The following NAV3 variants were observed in gnomAD, a reference collection of about 807,000 sequenced individuals.
The protein encoded by NAV3 is pore membrane and/or filament interacting like protein 1.
Under a neutral mutation model 244.7 loss-of-function variants are expected in NAV3, and 87 were observed. That is an observed-to-expected ratio of 0.36 (90% CI 0.30 to 0.42). The LOEUF is 0.42. Ranked by LOEUF, NAV3 falls within the 20% of genes least tolerant of loss-of-function variation. The pLI is 1.00. For synonymous variants in NAV3, 1,126 were observed against 1,042.2 expected, an observed-to-expected ratio of 1.08 and a Z score of -1.55; for missense variants, 2,663 against 2,893.3, an observed-to-expected ratio of 0.92 and a Z score of 1.83.
At chr12:78,007,482 ATT>A in intron 8 of NAV3, 37 bp downstream of exon 8, 1 of 1,584,498 alleles carries the variant, frequency 6.3e-7, no homozygotes, top group Non-Finnish European at 8.6e-7. Context: ...TTGTAAATAT[ATT>A]TACAGGCCTA....
chr12:77,826,440 C>G (rs572005080), upstream of NAV3, among the ~76,000 whole-genome samples: 2 of 151,616 alleles, frequency 1.3e-5, no homozygotes, highest in Admixed American at 1.3e-4. Context: ...TGTAGTGAGC[C>G]GAGATCACAC....
intron 11 of NAV3, chr12:78,056,132 C>A (rs1386030432): frequency 6.6e-6 from 1 of 152,138 alleles, no homozygotes; most frequent in Non-Finnish European, 1.5e-5. Flanking sequence ...TTTGTTCTTT[C>A]CTATGTTAGA....
chr12:77,660,060 GTAAC>G (rs1333777469), intron 2 of NAV3, among the ~76,000 whole-genome samples: 1 of 151,868 alleles, frequency 6.6e-6, no homozygotes, highest in Non-Finnish European at 1.5e-5. Flanking sequence ...GTATACATAT[GTAAC>G]TAACCTGCAC....
At position 77,639,376 on chromosome 12, in the gene NAV3, C is replaced by G. The variant is rs996865982; in HGVS notation, c.72+67110C>G. ...CTATAGTGGAACAATGAAGCAGAAA[C>G]TTCATTAATTTATTGAGCACATTTT... On this transcript the variant is annotated intron_variant, in intron 2 of 8. Transcript: ENST00000550042. Among the ~76,000 whole-genome samples, 14 of 152,204 alleles carry G rather than the reference C, an allele frequency of 9.2e-5. No individual in the cohort carries two copies. The East Asian group carries it at 1.9e-3, about 21-fold the overall frequency.
intron 2 of NAV3, among the ~76,000 whole-genome samples, chr12:77,792,694 A>T (rs1322908630): frequency 1.3e-5 from 2 of 152,170 alleles, no homozygotes; most frequent in African/African-American, 2.4e-5. Context: ...AGACACATTC[A>T]TTTCAGCCTT....
intron 2 of NAV3, among the ~76,000 whole-genome samples, chr12:77,624,284 G>C (rs1026016416): frequency 1.3e-5 from 2 of 152,134 alleles, no homozygotes; most frequent in African/African-American, 4.8e-5. Context: ...AAGCATAATC[G>C]TTCATGTGAG....
chr12:78,172,794 C>T (rs1226248327), intron 24 of NAV3, among the ~76,000 whole-genome samples: 1 of 151,438 alleles, frequency 6.6e-6, no homozygotes, highest in East Asian at 1.9e-4. Flanking sequence ...TAAGAACTGA[C>T]AAGATTACTG....
chr12:77,894,970 A>G (rs1365134990), intron 1 of NAV3, among the ~76,000 whole-genome samples: 2 of 152,234 alleles, frequency 1.3e-5, no homozygotes, highest in Non-Finnish European at 2.9e-5. Context: ...GCTCTAGCAG[A>G]TATTCCTCCG....
At chr12:77,845,479 C>T (rs1876462622) in intron 1 of NAV3, among the ~76,000 whole-genome samples, 4 of 152,058 alleles carry the variant, frequency 2.6e-5, no homozygotes, top group Admixed American at 2.6e-4. Flanking sequence ...TACAAATCAT[C>T]ACGCTTTACT....
At chr12:77,684,736 A>T (rs1297892346) in intron 2 of NAV3, among the ~76,000 whole-genome samples, 1 of 152,076 alleles carries the variant, frequency 6.6e-6, no homozygotes, top group African/African-American at 2.4e-5. Context: ...TAAAAATCTT[A>T]TATAACTCAT....
At chr12:77,857,252 T>C (rs1878530604) in intron 1 of NAV3, among the ~76,000 whole-genome samples, 1 of 152,038 alleles carries the variant, frequency 6.6e-6, no homozygotes, top group Non-Finnish European at 1.5e-5. Context: ...TAATATGAAC[T>C]TCCTAGAGTT....
chr12:77,622,711 G>C (rs1184657007), intron 2 of NAV3, among the ~76,000 whole-genome samples: 1 of 151,922 alleles, frequency 6.6e-6, no homozygotes, highest in Admixed American at 6.6e-5. Context: ...TAATCACTGT[G>C]AACCACTGTG....
At chr12:78,035,364 C>T (rs531501132) in intron 9 of NAV3, among the ~76,000 whole-genome samples, 6 of 152,136 alleles carry the variant, frequency 3.9e-5, no homozygotes, top group Admixed American at 2.6e-4. Context: ...ACTGAAAGGT[C>T]GATAGTCTTC....
intron 1 of NAV3, among the ~76,000 whole-genome samples, chr12:77,903,280 TA>T (rs1231471141): frequency 2.0e-5 from 3 of 152,140 alleles, no homozygotes; most frequent in African/African-American, 7.2e-5. Flanking sequence ...AGCATGGTAC[TA>T]GTACAAAAAC....
rs761560264 is a variant in NAV3 at position 78,211,303 on chromosome 12, T to C, written c.*786T>C. 1 of 152,594 alleles carries C rather than the reference T, an allele frequency of 6.6e-6. No homozygotes were observed. 9.5% of individuals were successfully genotyped at this position (152,594 alleles called of 1,614,324 possible). A position where few individuals can be genotyped will look rare whatever the true frequency, so the allele number is the denominator to read the frequency against. ...GCTTTATTTGTTTGAGCCTTTTCAG[T>C]GAAAGAAGGAACATTTCCTATGGTG... On this transcript the variant is annotated 3_prime_UTR_variant, in exon 40 of 40. Transcript: ENST00000397909.
intron 2 of NAV3, among the ~76,000 whole-genome samples, chr12:77,734,272 T>C (rs711150): frequency 0.53 from 81,080 of 151,710 alleles, 22,396 homozygotes; most frequent in East Asian, 0.84. Context: ...TCTTTTTTTT[T>C]TTCTCCAATG....
intron 12 of NAV3, among the ~76,000 whole-genome samples, chr12:78,096,973 A>C (rs749289677): frequency 2.4e-4 from 36 of 152,096 alleles, no homozygotes; most frequent in Non-Finnish European, 4.1e-4. Flanking sequence ...CTGAGGTGAG[A>C]GATGGTCCAG....
chr12:78,159,441 A>T (rs550363699), intron 23 of NAV3, among the ~76,000 whole-genome samples, 155 bp downstream of exon 23: 3 of 152,206 alleles, frequency 2.0e-5, no homozygotes, highest in South Asian at 2.1e-4. Context: ...AGGTGGGTGG[A>T]TCACTTAAGG....
At chr12:77,956,103 T>G (rs1196231668) in intron 3 of NAV3, among the ~76,000 whole-genome samples, 4 of 152,162 alleles carry the variant, frequency 2.6e-5, no homozygotes, top group Non-Finnish European at 1.5e-5. Context: ...TATTACTGTA[T>G]TTTACTTTAA....
Sources: allele counts gnomAD v4.1 joint callset (sites outside exome capture counted in the v4.1 genomes callset), GRCh38; gene constraint gnomAD v4.1.1; transcripts MANE v1.5; gene names NCBI Gene and HGNC (gene_info 2026-07-23, HGNC 2026-07-21).